Variants in FBN1 observed in about 807,000 individuals in gnomAD.
FBN1 encodes the protein fibrillin 1.
FBN1 carries 29 observed loss-of-function variants against 365.1 expected under a neutral mutation model. The ratio of observed to expected loss-of-function variants is 0.08; its 90% CI spans 0.06 to 0.11. The LOEUF is 0.11. Ranked by LOEUF, FBN1 falls within the 10% of genes least tolerant of loss-of-function variation. The probability of loss-of-function intolerance (pLI) is 1.00; values close to 1 mark genes in which losing one functional copy is unlikely to be tolerated. For synonymous variants in FBN1, 1,210 were observed against 1,270.5 expected (o/e 0.95, Z 1.01); for missense variants, 2,476 against 3,703.2 (o/e 0.67, Z 8.60).
intron 60 of FBN1, among the ~76,000 whole-genome samples, 164 bp from the exon 61 acceptor site, chr15:48,422,232 G>A (rs1483784218): frequency 1.3e-5 from 2 of 152,104 alleles, no homozygotes; most frequent in Non-Finnish European, 2.9e-5. Context: ...GTAAAGATCT[G>A]AAAGATAAAA....
At chr15:48,518,168 G>A (rs1448762108) in intron 10 of FBN1, among the ~76,000 whole-genome samples, 1 of 152,146 alleles carries the variant, frequency 6.6e-6, no homozygotes, top group Non-Finnish European at 1.5e-5. Context: ...ATGCTTCCCT[G>A]ACTCAAGATG....
At chr15:48,415,507 C>G in intron 64 of FBN1, 29 bp downstream of exon 64, 1 of 1,517,888 alleles carries the variant, frequency 6.6e-7, no homozygotes, top group Non-Finnish European at 9.2e-7. Flanking sequence ...AAAGAATCTC[C>G]AACCATGACC....
intron 19 of FBN1, among the ~76,000 whole-genome samples, chr15:48,496,606 G>A (rs1379503742): frequency 1.3e-5 from 2 of 151,988 alleles, no homozygotes; most frequent in Non-Finnish European, 2.9e-5. Context: ...TTGATTTAAG[G>A]AACTAAATAA....
At chr15:48,468,197 A>G in intron 37 of FBN1, 95 bp from the exon 38 acceptor site, 1 of 1,514,280 alleles carries the variant, frequency 6.6e-7, no homozygotes, top group Non-Finnish European at 9.1e-7. Context: ...AAAAACCGTA[A>G]TTTACTTTTA....
At chr15:48,536,143 A>ACAACAG (rs1490628210) in intron 7 of FBN1, among the ~76,000 whole-genome samples, 1 of 152,152 alleles carries the variant, frequency 6.6e-6, no homozygotes. Context: ...AACAACAACA[A>ACAACAG]CCAAACATGA....
intron 62 of FBN1, among the ~76,000 whole-genome samples, chr15:48,421,216 TG>T (rs1038236586): frequency 6.6e-6 from 1 of 152,186 alleles, no homozygotes; most frequent in African/African-American, 2.4e-5. Flanking sequence ...TTAGTCCACA[TG>T]GGGGAAATCC....
intron 6 of FBN1, among the ~76,000 whole-genome samples, chr15:48,576,033 T>C (rs1211364165): frequency 1.4e-4 from 22 of 152,052 alleles, no homozygotes; most frequent in Admixed American, 1.4e-3. Context: ...GGACCAAAAC[T>C]CACATGGAGT....
In FBN1 at chr15:48,489,900, T is replaced by C. The variant is rs1188433067; in HGVS notation, c.3033A>G (p.Gly1011=). The part of the protein sequence containing the change: ...TPEYEELCPR[G]PGFATKEITN... ...TAATTTCTTTTGTGGCAAATCCGGG[T>C]CCTCTCGGACACAGCTCCTCGTACT... The change falls in exon 25 of 66, where the codon GGA becomes GGG. Residue 1011 remains glycine (G), a synonymous_variant. Coordinates refer to ENST00000316623, the MANE Select transcript of FBN1 (RefSeq NM_000138.5). 6.2e-7 allele frequency: 1 copy of C among 1,614,100 alleles called. No individual in the cohort carries two copies. Among genetic ancestry groups the C allele is most frequent in the Non-Finnish European group, 8.5e-7 (1 of 1,180,014 alleles).
chr15:48,528,191 A>C (rs1410915613), intron 8 of FBN1, among the ~76,000 whole-genome samples: 2 of 152,262 alleles, frequency 1.3e-5, no homozygotes, highest in Non-Finnish European at 2.9e-5. Flanking sequence ...TACCATTCTT[A>C]TTAAGGCCAC....
In FBN1 at chr15:48,428,474, G is replaced by A. The variant is rs2042999551; in HGVS notation, c.6872-3C>T. ...CTTCGTCTGACATTCATTCTCATCT[G>A]TTTGATTTTATTGAAGGACCAAAAA... On this transcript the variant is annotated splice_region_variant and splice_polypyrimidine_tract_variant and intron_variant, in intron 56 of 65. Transcript: ENST00000316623. 1 of 1,613,844 alleles carries A rather than the reference G, an allele frequency of 6.2e-7. No homozygotes were observed. The highest frequency in any genetic ancestry group is 1.3e-5 in the African/African-American group (1 of 75,014).
chr15:48,468,696 C>T (rs1303852895), intron 36 of FBN1, among the ~76,000 whole-genome samples, 162 bp from the exon 37 acceptor site: 3 of 149,774 alleles, frequency 2.0e-5, no homozygotes, highest in Non-Finnish European at 4.5e-5. Flanking sequence ...GATAAAACAC[C>T]TCAGGAAGGA....
intron 4 of FBN1, among the ~76,000 whole-genome samples, chr15:48,600,965 A>C (rs2044561013): frequency 1.3e-5 from 2 of 152,224 alleles, no homozygotes; most frequent in South Asian, 4.1e-4. Flanking sequence ...TTGTTAAAAG[A>C]AATTTTAGAG....
intron 52 of FBN1, 86 bp from the exon 53 acceptor site, chr15:48,437,163 A>G (rs1413239312): frequency 1.7e-6 from 2 of 1,162,500 alleles, no homozygotes; most frequent in East Asian, 2.4e-5. Context: ...TTTAATCAAA[A>G]GATTATCTAA....
intron 42 of FBN1, among the ~76,000 whole-genome samples, chr15:48,461,449 G>A (rs532062850): frequency 2.9e-4 from 44 of 152,148 alleles, no homozygotes; most frequent in Non-Finnish European, 5.1e-4. Context: ...TCTATCTTTG[G>A]AAAAATCTAA....
At chr15:48,616,700 G>A (rs1889660645) in intron 2 of FBN1, among the ~76,000 whole-genome samples, 1 of 152,062 alleles carries the variant, frequency 6.6e-6, no homozygotes, top group Non-Finnish European at 1.5e-5. Context: ...TTCACTTCAT[G>A]AGCCATCCCC....
intron 6 of FBN1, among the ~76,000 whole-genome samples, chr15:48,591,235 A>G (rs868574404): frequency 1.3e-5 from 2 of 152,166 alleles, no homozygotes; most frequent in South Asian, 4.1e-4. Context: ...TACCCACTGT[A>G]GTCACTAGAA....
chr15:48,587,297 G>A (rs780189110), intron 6 of FBN1, among the ~76,000 whole-genome samples: 33 of 152,172 alleles, frequency 2.2e-4, no homozygotes, highest in Admixed American at 7.9e-4. Flanking sequence ...CCTGAATGCC[G>A]TCTATAAGAA....
chr15:48,629,880 C>G (rs1889951944), intron 2 of FBN1, among the ~76,000 whole-genome samples: 1 of 152,212 alleles, frequency 6.6e-6, no homozygotes, highest in South Asian at 2.1e-4. Flanking sequence ...TGTTTTCGTT[C>G]ACTTGAAGAA....
chr15:48,613,120 CT>C (rs1249332067), intron 2 of FBN1, 28 bp from the exon 3 acceptor site: 1 of 1,545,598 alleles, frequency 6.5e-7, no homozygotes. Flanking sequence ...GAATTCCATA[CT>C]TTAAAAAAAA....
Sources: allele counts gnomAD v4.1 joint callset (sites outside exome capture counted in the v4.1 genomes callset), GRCh38; gene constraint gnomAD v4.1.1; transcripts MANE v1.5; gene names NCBI Gene and HGNC (gene_info 2026-07-23, HGNC 2026-07-21).